ARID5B: variants seen among roughly 807,000 people sequenced by gnomAD.
The protein encoded by ARID5B is AT-rich interactive domain-containing protein 5B.
A neutral mutation model predicts 97.2 loss-of-function variants in ARID5B; 13 were observed. The observed-to-expected ratio is 0.13, with a 90% CI of 0.09 to 0.21. The LOEUF is 0.21. Among genes scored for constraint, ARID5B ranks in the 10% least tolerant of loss-of-function variants. The pLI is 1.00. For synonymous variants in ARID5B, 556 were observed against 570.3 expected, an observed-to-expected ratio of 0.97 and a Z score of 0.36; for missense variants, 1,210 against 1,465.3, an observed-to-expected ratio of 0.83 and a Z score of 2.84.
intron 6 of ARID5B, 51 bp downstream of exon 6, chr10:62,057,369 T>G: frequency 6.5e-7 from 1 of 1,535,966 alleles, no homozygotes; most frequent in Non-Finnish European, 8.9e-7. Flanking sequence ...TCAGATTCTT[T>G]GAATTGGAAA....
rs1265726963 is a variant in ARID5B, at chr10:62,096,545, T to C, written c.*3515T>C. On this transcript the variant is annotated 3_prime_UTR_variant, in exon 10 of 10. Coordinates refer to ENST00000279873, the MANE Select transcript of ARID5B (RefSeq NM_032199.3). ...ATTTGATATTCTGCCTGTCTCCTCA[T>C]GGTTGAAATATGTCTGAAGAATAGC... is the stretch of plus-strand genomic sequence containing the variant. The C allele has an allele frequency of 4.3e-6, 1 of 233,396 alleles. No homozygotes were observed. Among genetic ancestry groups the C allele is most frequent in the Non-Finnish European group, 8.5e-6 (1 of 118,006 alleles). 14.5% of individuals were successfully genotyped at this position (233,396 alleles called of 1,614,324 possible). A position where few individuals can be genotyped will look rare whatever the true frequency, so the allele number is the denominator to read the frequency against.
At chr10:61,960,099 G>T (rs1282278834) in intron 3 of ARID5B, among the ~76,000 whole-genome samples, 1 of 152,134 alleles carries the variant, frequency 6.6e-6, no homozygotes, top group Non-Finnish European at 1.5e-5. Flanking sequence ...TTTCAGATTG[G>T]AGGGTTTCTT....
chr10:62,036,948 C>T (rs1378762365), intron 4 of ARID5B, among the ~76,000 whole-genome samples: 2 of 152,218 alleles, frequency 1.3e-5, no homozygotes, highest in African/African-American at 4.8e-5. Flanking sequence ...ATCCTACTGG[C>T]ATAACATCTA....
chr10:61,976,582 G>A (rs1260630446), intron 3 of ARID5B, among the ~76,000 whole-genome samples: 1 of 152,134 alleles, frequency 6.6e-6, no homozygotes, highest in Non-Finnish European at 1.5e-5. Flanking sequence ...CATACTGATG[G>A]GGAAAATGAA....
At chr10:62,083,284 G>GAAAAAAAAAAAA (rs35649259) in intron 8 of ARID5B, among the ~76,000 whole-genome samples, 1 of 100,306 alleles carries the variant, frequency 1.0e-5, no homozygotes. Flanking sequence ...GTGAAGGGGA[G>GAAAAAAAAAAAA]AAAAAAAAAA....
intron 3 of ARID5B, among the ~76,000 whole-genome samples, chr10:61,984,670 C>T (rs1838822582): frequency 6.6e-6 from 1 of 152,220 alleles, no homozygotes; most frequent in Admixed American, 6.5e-5. Context: ...GTAGGCCCAT[C>T]ACTACCATGC....
intron 3 of ARID5B, among the ~76,000 whole-genome samples, chr10:61,976,083 T>C (rs1838694600): frequency 6.6e-6 from 1 of 152,218 alleles, no homozygotes; most frequent in Admixed American, 6.5e-5. Flanking sequence ...AGTCTTTGCC[T>C]TTATAAATGT....
intron 3 of ARID5B, among the ~76,000 whole-genome samples, 190 bp from the exon 4 acceptor site, chr10:61,999,901 G>A (rs550440336): frequency 6.6e-6 from 1 of 152,282 alleles, no homozygotes; most frequent in South Asian, 2.1e-4. Context: ...TGTGCGGGTA[G>A]CCTGAAGCGT....
chr10:62,058,380 A>G (rs1839883067), intron 6 of ARID5B, among the ~76,000 whole-genome samples: 1 of 152,200 alleles, frequency 6.6e-6, no homozygotes. Flanking sequence ...TTTAAAAATA[A>G]AAATCATTTT....
chr10:61,962,003 C>T (rs983915546), intron 3 of ARID5B, among the ~76,000 whole-genome samples: 8 of 152,236 alleles, frequency 5.3e-5, no homozygotes, highest in African/African-American at 1.7e-4. Context: ...CCAGCCTAGG[C>T]CTCCCAAAGT....
rs1840389224 is a variant in ARID5B at position 62,092,206 on chromosome 10, C to T, written c.2743C>T (p.His915Tyr). 3 of 1,610,932 alleles carry T rather than the reference C, an allele frequency of 1.9e-6. No homozygotes were observed. The highest frequency in any genetic ancestry group is 2.5e-6 in the Non-Finnish European group (3 of 1,178,794). ...PTDLSLPKNP[H>Y]KPTGKVLGLA... is the part of the protein sequence containing the mutation. Reference sequence around the variant, plus strand: ...AGATCTGAGCCTTCCCAAGAACCCGCACAAACCTACCGGCAAGGTCCTGGG... The same window carrying T: ...AGATCTGAGCCTTCCCAAGAACCCGTACAAACCTACCGGCAAGGTCCTGGG... Residue 915 changes from histidine (H) to tyrosine (Y), a missense_variant, in exon 10 of 10, where the codon CAC becomes TAC. Coordinates refer to ENST00000279873, the MANE Select transcript of ARID5B (RefSeq NM_032199.3).
At chr10:61,966,062 C>A (rs929623764) in intron 3 of ARID5B, among the ~76,000 whole-genome samples, 5 of 151,992 alleles carry the variant, frequency 3.3e-5, no homozygotes, top group Non-Finnish European at 7.4e-5. Context: ...TAAAGATATG[C>A]AAAAAGAAGA....
chr10:62,036,834 G>C (rs1034152335), intron 4 of ARID5B, among the ~76,000 whole-genome samples: 26 of 152,284 alleles, frequency 1.7e-4, no homozygotes, highest in Non-Finnish European at 3.1e-4. Context: ...CGAGTGGCAG[G>C]CTCTCTGGTC....
At chr10:62,065,357 C>G (rs567649869) in intron 7 of ARID5B, among the ~76,000 whole-genome samples, 1 of 152,264 alleles carries the variant, frequency 6.6e-6, no homozygotes, top group Middle Eastern at 3.4e-3. Flanking sequence ...TCTTTCTTTT[C>G]GTGACACCAT....
chr10:62,050,938 A>G lies in ARID5B; in HGVS notation c.784A>G (p.Arg262Gly). ...CAAAAAGAAACCATGCCCACAAAGA[A>G]GAGATTCATTCAGTGGTGTTAAGGA... ...PRKKKPCPQR[R>G]DSFSGVKDSN... is the part of the protein sequence containing the mutation. The change falls in exon 5 of 10, where the codon AGA becomes GGA. Residue 262 changes from arginine (R) to glycine (G), a missense_variant. This residue lies in a region of ARID5B where 132 missense variants were observed against 156.7 expected (regional missense o/e 0.84). Coordinates refer to ENST00000279873, the MANE Select transcript of ARID5B (RefSeq NM_032199.3). 6.2e-7 allele frequency: 1 copy of G among 1,614,220 alleles called. No individual in the cohort carries two copies. Among genetic ancestry groups the G allele is most frequent in the East Asian group, 2.2e-5 (1 of 44,886 alleles).
At chr10:61,962,474 G>A (rs1276956694) in intron 3 of ARID5B, among the ~76,000 whole-genome samples, 4 of 152,096 alleles carry the variant, frequency 2.6e-5, no homozygotes, top group African/African-American at 7.2e-5. Context: ...ATGACTCTAC[G>A]GGCACGTTGG....
At chr10:62,021,554 G>C (rs1839356409) in intron 4 of ARID5B, among the ~76,000 whole-genome samples, 1 of 152,188 alleles carries the variant, frequency 6.6e-6, no homozygotes, top group Admixed American at 6.5e-5. Context: ...TCTGAAATTA[G>C]AGAATCCAGA....
At chr10:62,056,770 G>A (rs1428333717) in intron 5 of ARID5B, among the ~76,000 whole-genome samples, 1 of 152,112 alleles carries the variant, frequency 6.6e-6, no homozygotes, top group Non-Finnish European at 1.5e-5. Context: ...ATGACCCACT[G>A]GCTGGCAATT....
chr10:61,961,270 T>C (rs555947298), intron 3 of ARID5B, among the ~76,000 whole-genome samples: 6 of 152,352 alleles, frequency 3.9e-5, no homozygotes, highest in East Asian at 1.9e-4. Flanking sequence ...CTATAATTAA[T>C]GGTGAAGGTA....
Sources: allele counts gnomAD v4.1 joint callset (sites outside exome capture counted in the v4.1 genomes callset), GRCh38; gene constraint gnomAD v4.1.1; regional missense constraint gnomAD v4.1.1; transcripts MANE v1.5; gene names NCBI Gene and HGNC (gene_info 2026-07-23, HGNC 2026-07-21).